Variants in FAT4 observed in about 807,000 individuals in gnomAD.
FAT4 encodes the protein protocadherin Fat 4.
A neutral mutation model predicts 303.9 loss-of-function variants in FAT4; 84 were observed. The ratio of observed to expected loss-of-function variants is 0.28; its 90% CI spans 0.23 to 0.33. FAT4 has a LOEUF of 0.33. FAT4 is among the 10% of genes least tolerant of loss of function. The pLI is 1.00. For missense variants in FAT4, 6,005 were observed against 6,146.8 expected (o/e 0.98, Z 0.77); for synonymous variants, 2,307 against 2,298.8 (o/e 1.00, Z -0.10).
intron 10 of FAT4, among the ~76,000 whole-genome samples, chr4:125,453,418 G>A (rs1184726642): frequency 6.6e-6 from 1 of 152,034 alleles, no homozygotes; most frequent in Non-Finnish European, 1.5e-5. Flanking sequence ...TTAAAATGAT[G>A]TGTTATTGGG....
chr4:125,489,995 T>G lies in FAT4; in HGVS notation c.13179T>G (p.Asp4393Glu). The G allele has an allele frequency of 6.2e-7, 1 of 1,613,924 alleles. No individual in the cohort carries two copies. Reference sequence around the variant, plus strand: ...GCTTGGCCTCCATCTCAAAAACAGATCCCTCAGTGAAGATTGGCTGCCGTG... The same window carrying G: ...GCTTGGCCTCCATCTCAAAAACAGAGCCCTCAGTGAAGATTGGCTGCCGTG... ...KHSLASISKT[D>E]PSVKIGCRGP... The change falls in exon 18 of 18, where the codon GAT (aspartate) becomes GAG (glutamate). Residue 4393 changes from aspartate to glutamate, a missense_variant. By Grantham distance (45) the Asp-to-Glu change is conservative (BLOSUM62 2). Coordinates refer to ENST00000394329, the MANE Select transcript of FAT4 (RefSeq NM_001291303.3).
At chr4:125,384,445 A>G (rs1183050928) in intron 2 of FAT4, among the ~76,000 whole-genome samples, 2 of 152,150 alleles carry the variant, frequency 1.3e-5, no homozygotes, top group African/African-American at 2.4e-5. Context: ...TTGTTTAACT[A>G]TTCTTACATT....
In FAT4 at chr4:125,415,810, A is replaced by G. The variant is rs768191107; in HGVS notation, c.6843+4A>G. On this transcript the variant is annotated splice_donor_region_variant and intron_variant, in intron 6 of 17. Coordinates refer to ENST00000394329, the MANE Select transcript of FAT4 (RefSeq NM_001291303.3). ...ACTACCCAGAACAATTCTTCAGGTC[A>G]GTATATTTAAATAAAGCAAGTATTG... 30 of 1,586,238 alleles carry G rather than the reference A, an allele frequency of 1.9e-5. No homozygotes were observed. The highest frequency in any genetic ancestry group is 2.5e-5 in the Non-Finnish European group (29 of 1,163,922).
In FAT4 at chr4:125,375,882, T is replaced by C. The variant is rs1733294989; in HGVS notation, c.5176-22902T>C. On this transcript the variant is annotated intron_variant, in intron 2 of 17. Coordinates refer to ENST00000394329, the MANE Select transcript of FAT4 (RefSeq NM_001291303.3). ...TTCTTATGATTACAATATATTTACC[T>C]GACATTATGCAAAACTGCATTTTTT... Among the ~76,000 whole-genome samples the C allele has an allele frequency of 4.6e-5, 7 of 152,328 alleles. No homozygotes were observed. The South Asian group carries it at 1.4e-3, about 32-fold the overall frequency.
intron 2 of FAT4, among the ~76,000 whole-genome samples, chr4:125,350,615 T>A (rs1732183702): frequency 6.6e-6 from 1 of 151,712 alleles, no homozygotes; most frequent in Non-Finnish European, 1.5e-5. Context: ...CGAATGTTCC[T>A]ATCTATAACA....
chr4:125,485,730 G>A (rs983873941), intron 16 of FAT4, among the ~76,000 whole-genome samples: 1 of 152,026 alleles, frequency 6.6e-6, no homozygotes, highest in Non-Finnish European at 1.5e-5. Context: ...CACTAATATA[G>A]TCATTTATTA....
At chr4:125,460,426 C>G (rs570983105) in intron 10 of FAT4, among the ~76,000 whole-genome samples, 1 of 152,006 alleles carries the variant, frequency 6.6e-6, no homozygotes, top group South Asian at 2.1e-4. Flanking sequence ...CTGCTCCCCT[C>G]CCTCCTCCCA....
chr4:125,386,590 T>A (rs1416414145), intron 2 of FAT4, among the ~76,000 whole-genome samples: 1 of 152,164 alleles, frequency 6.6e-6, no homozygotes, highest in East Asian at 1.9e-4. Flanking sequence ...AAAAATAGGA[T>A]GTCTAAATAG....
chr4:125,458,810 C>A (rs1726383612), intron 10 of FAT4, among the ~76,000 whole-genome samples: 1 of 151,790 alleles, frequency 6.6e-6, no homozygotes, highest in Non-Finnish European at 1.5e-5. Flanking sequence ...GCTTTTGTTA[C>A]TGGCAGCCCT....
intron 2 of FAT4, among the ~76,000 whole-genome samples, chr4:125,382,682 G>A (rs1429531990): frequency 1.3e-5 from 2 of 152,174 alleles, no homozygotes; most frequent in African/African-American, 4.8e-5. Context: ...AACTCAACCT[G>A]TCCTTTGAAG....
intron 8 of FAT4, among the ~76,000 whole-genome samples, chr4:125,436,114 A>G (rs1437130552): frequency 2.0e-5 from 3 of 151,784 alleles, no homozygotes; most frequent in African/African-American, 7.3e-5. Flanking sequence ...TGGGTGCAGC[A>G]CACCAACATG....
intron 5 of FAT4, among the ~76,000 whole-genome samples, chr4:125,412,256 G>T (rs771745386): frequency 1.3e-5 from 2 of 151,706 alleles, no homozygotes; most frequent in Non-Finnish European, 3.0e-5. Context: ...TTTTAGACTT[G>T]TCAGAAATGA....
At chr4:125,403,626 C>G (rs1331851976) in intron 3 of FAT4, among the ~76,000 whole-genome samples, 1 of 151,982 alleles carries the variant, frequency 6.6e-6, no homozygotes, top group East Asian at 1.9e-4. Flanking sequence ...GCCAGATAAC[C>G]ATTTCTATGA....
At chr4:125,323,716 T>G (rs892395636) in intron 2 of FAT4, among the ~76,000 whole-genome samples, 4 of 152,240 alleles carry the variant, frequency 2.6e-5, no homozygotes, top group African/African-American at 9.6e-5. Flanking sequence ...AGTGCTGTTT[T>G]CCTTCTGCTC....
rs1200462582 is a variant in FAT4 at position 125,468,503 on chromosome 4, C to T, written c.11906-9C>T. The T allele has an allele frequency of 2.8e-6, 4 of 1,420,714 alleles. No homozygotes were observed. Among genetic ancestry groups the T allele is most frequent in the African/African-American group, 2.9e-5 (2 of 69,682 alleles). 88.0% of individuals were successfully genotyped at this position (1,420,714 alleles called of 1,614,324 possible). Reference sequence around the variant, plus strand: ...TTTTATGCCAGTTTGTCAATTTTCCCTCCAACAGGTGTCTTTGGAAAACAC... The same window carrying T: ...TTTTATGCCAGTTTGTCAATTTTCCTTCCAACAGGTGTCTTTGGAAAACAC... On this transcript the variant is annotated splice_polypyrimidine_tract_variant and intron_variant, in intron 11 of 17. Transcript: ENST00000394329.
At chr4:125,362,981 T>TA (rs1159931056) in intron 2 of FAT4, 1 of 152,068 alleles carries the variant, frequency 6.6e-6, no homozygotes, top group East Asian at 1.9e-4. Flanking sequence ...TTTTCCTAGC[T>TA]TGGCATTAGT....
At chr4:125,408,031 A>G (rs989290152) in intron 4 of FAT4, among the ~76,000 whole-genome samples, 1 of 152,128 alleles carries the variant, frequency 6.6e-6, no homozygotes, top group Non-Finnish European at 1.5e-5. Context: ...AGTTATTGCA[A>G]TGACCACATA....
rs551193640 is a variant in FAT4, at chr4:125,441,864, G to C, written c.7200-4429G>C. 5.1e-4 allele frequency among the ~76,000 whole-genome samples: 77 copies of C among 152,280 alleles called. No homozygotes were observed. In the South Asian group the frequency reaches 7.3e-3, roughly 14 times the overall value. Reference sequence around the variant, plus strand: ...GGGACAAGGATCTGTGCTTTCCCAAGCCTTATAGGTTTGCTCAATTTATTC... The same window carrying C: ...GGGACAAGGATCTGTGCTTTCCCAACCCTTATAGGTTTGCTCAATTTATTC... On this transcript the variant is annotated intron_variant, in intron 8 of 17. Coordinates refer to ENST00000394329, the MANE Select transcript of FAT4 (RefSeq NM_001291303.3).
intron 2 of FAT4, among the ~76,000 whole-genome samples, chr4:125,369,781 C>T (rs1028724285): frequency 1.3e-5 from 2 of 152,160 alleles, no homozygotes; most frequent in African/African-American, 4.8e-5. Flanking sequence ...TCCATTTCCT[C>T]CAATCGGCAA....
Sources: gnomAD v4.1 joint callset for allele counts (sites outside exome capture counted in the v4.1 genomes callset) on GRCh38, gnomAD v4.1.1 for gene constraint, MANE v1.5 for transcripts, NCBI Gene and HGNC (gene_info 2026-07-23, HGNC 2026-07-21) for gene names.